KCNB2: variants seen among roughly 807,000 people sequenced by gnomAD.
The protein encoded by KCNB2 is delayed rectifier potassium channel protein.
KCNB2 carries 15 observed loss-of-function variants against 61.5 expected under a neutral mutation model. The ratio of observed to expected loss-of-function variants is 0.24; its 90% confidence interval spans 0.16 to 0.38. The LOEUF (loss-of-function observed/expected upper bound fraction) is 0.38. KCNB2 is among the 10% of genes least tolerant of loss of function. The pLI is 1.00. For synonymous variants in KCNB2, 457 were observed against 446.0 expected, an observed-to-expected ratio of 1.02 and a Z score of -0.31; for missense variants, 828 against 1,125.2, an observed-to-expected ratio of 0.74 and a Z score of 3.78.
chr8:72,795,914 ATTTGAAAGAG>A (rs1311808561), intron 2 of KCNB2, among the ~76,000 whole-genome samples: 2 of 152,190 alleles, frequency 1.3e-5, no homozygotes, highest in African/African-American at 4.8e-5. Flanking sequence ...AGCTTCTATA[ATTTGAAAGAG>A]TTTGAAAGCA....
At chr8:72,843,460 T>C (rs1410500605) in intron 2 of KCNB2, among the ~76,000 whole-genome samples, 2 of 152,170 alleles carry the variant, frequency 1.3e-5, no homozygotes, top group Non-Finnish European at 2.9e-5. Context: ...GTCTGCTTGG[T>C]CCAGAGCTGA....
chr8:72,730,185 G>T (rs2962305), intron 2 of KCNB2, among the ~76,000 whole-genome samples: 1 of 152,148 alleles, frequency 6.6e-6, no homozygotes, highest in Non-Finnish European at 1.5e-5. Context: ...CGCCTAGAGG[G>T]TGGGGGAGGA....
At chr8:72,652,274 T>C (rs1585808058) in intron 2 of KCNB2, among the ~76,000 whole-genome samples, 1 of 152,204 alleles carries the variant, frequency 6.6e-6, no homozygotes, top group East Asian at 1.9e-4. Flanking sequence ...TCCATAATGC[T>C]CATGCTCATG....
intron 2 of KCNB2, among the ~76,000 whole-genome samples, chr8:72,760,877 C>A (rs1808367026): frequency 6.6e-6 from 1 of 152,116 alleles, no homozygotes; most frequent in Non-Finnish European, 1.5e-5. Context: ...ACTGTCAGAC[C>A]ATATGTTGGA....
At chr8:72,724,420 T>C (rs1297997442) in intron 2 of KCNB2, among the ~76,000 whole-genome samples, 2 of 152,184 alleles carry the variant, frequency 1.3e-5, no homozygotes, top group African/African-American at 4.8e-5. Flanking sequence ...AAGCCAAATA[T>C]GCCATAAGAT....
chr8:72,567,165 A>G (rs1384151337), intron 1 of KCNB2, among the ~76,000 whole-genome samples: 2 of 152,074 alleles, frequency 1.3e-5, no homozygotes, highest in Non-Finnish European at 2.9e-5. Flanking sequence ...TACAAAAAAT[A>G]TAAGAATTAG....
rs1160907188 is a variant in KCNB2 at position 72,537,243 on chromosome 8, C to G, written c.-736C>G. ...GGTGGCCGCAGCCCTGTGTGCGCGCCGGGCCGGCTAGCTGCGGGGCGGGGG... is the reference window on the plus strand; with the variant it reads ...GGTGGCCGCAGCCCTGTGTGCGCGCGGGGCCGGCTAGCTGCGGGGCGGGGG... On this transcript the variant is annotated 5_prime_UTR_variant, in exon 1 of 3. Coordinates refer to ENST00000523207, the MANE Select transcript of KCNB2 (RefSeq NM_004770.3). 1 of 151,296 alleles carries G rather than the reference C, an allele frequency of 6.6e-6. No homozygotes were observed. The highest frequency in any genetic ancestry group is 1.5e-5 in the Non-Finnish European group (1 of 67,706). The allele number at this position is 151,296 out of a possible 1,614,324, so 9.4% of individuals were successfully genotyped here. A position where few individuals can be genotyped will look rare whatever the true frequency, so the allele number is the denominator to read the frequency against.
intron 2 of KCNB2, among the ~76,000 whole-genome samples, chr8:72,811,544 A>G (rs1809305882): frequency 6.6e-6 from 1 of 152,244 alleles, no homozygotes; most frequent in African/African-American, 2.4e-5. Context: ...TTATGTATAC[A>G]GAGACTATTG....
chr8:72,538,810 G>C (rs969703715), intron 1 of KCNB2, among the ~76,000 whole-genome samples: 2 of 152,262 alleles, frequency 1.3e-5, no homozygotes, highest in East Asian at 3.9e-4. Flanking sequence ...GAAACTGAGG[G>C]AAAGGAAGAG....
intron 2 of KCNB2, among the ~76,000 whole-genome samples, chr8:72,614,602 C>T (rs1805590452): frequency 6.6e-6 from 1 of 152,170 alleles, no homozygotes; most frequent in Non-Finnish European, 1.5e-5. Context: ...CTCTTGTTCT[C>T]TGTGCTGAAG....
chr8:72,574,651 C>A (rs556576966), intron 2 of KCNB2, among the ~76,000 whole-genome samples: 1 of 152,096 alleles, frequency 6.6e-6, no homozygotes, highest in Non-Finnish European at 1.5e-5. Context: ...ACATCAGATT[C>A]TTTTCAAGCT....
At chr8:72,693,051 A>G (rs1806963835) in intron 2 of KCNB2, among the ~76,000 whole-genome samples, 1 of 152,204 alleles carries the variant, frequency 6.6e-6, no homozygotes, top group Non-Finnish European at 1.5e-5. Flanking sequence ...TTATCATAAT[A>G]TTGTGATATC....
chr8:72,816,237 AG>A (rs1450427436), intron 2 of KCNB2, among the ~76,000 whole-genome samples: 17 of 152,182 alleles, frequency 1.1e-4, no homozygotes, highest in Non-Finnish European at 1.0e-4. Flanking sequence ...ATGAGACGTT[AG>A]TGAAGATAAG....
chr8:72,735,441 C>T (rs932578551), intron 2 of KCNB2, among the ~76,000 whole-genome samples: 1 of 152,136 alleles, frequency 6.6e-6, no homozygotes, highest in Admixed American at 6.6e-5. Flanking sequence ...ACCCTTGATA[C>T]TCAGCTCGGG....
At chr8:72,838,718 TA>T (rs1437462218) in intron 2 of KCNB2, among the ~76,000 whole-genome samples, 5 of 152,208 alleles carry the variant, frequency 3.3e-5, no homozygotes, top group African/African-American at 1.2e-4. Context: ...AATTGTAGTA[TA>T]TACAGGTCTA....
At chr8:72,625,645 G>T (rs1805777561) in intron 2 of KCNB2, among the ~76,000 whole-genome samples, 1 of 152,094 alleles carries the variant, frequency 6.6e-6, no homozygotes, top group Admixed American at 6.6e-5. Flanking sequence ...TGCCCAGGCT[G>T]GTCTTGAACG....
At chr8:72,638,862 ACT>A (rs1480158369) in intron 2 of KCNB2, among the ~76,000 whole-genome samples, 1 of 152,088 alleles carries the variant, frequency 6.6e-6, no homozygotes, top group Non-Finnish European at 1.5e-5. Flanking sequence ...AAATGGAAAA[ACT>A]CTAAATAAAC....
intron 2 of KCNB2, among the ~76,000 whole-genome samples, chr8:72,786,100 G>C (rs1355550410): frequency 1.3e-5 from 2 of 149,194 alleles, no homozygotes; most frequent in East Asian, 1.9e-4. Context: ...TTCACATTTA[G>C]TATGCTCACT....
intron 2 of KCNB2, among the ~76,000 whole-genome samples, chr8:72,778,777 AAAAAG>A (rs1198021046): frequency 1.3e-4 from 18 of 139,706 alleles, no homozygotes; most frequent in Admixed American, 3.6e-4. Flanking sequence ...AGAAAGAAAG[AAAAAG>A]AAAAGAAAAG....
Sources: allele counts gnomAD v4.1 joint callset (sites outside exome capture counted in the v4.1 genomes callset), GRCh38; gene constraint gnomAD v4.1.1; transcripts MANE v1.5; gene names NCBI Gene and HGNC (gene_info 2026-07-23, HGNC 2026-07-21).